The following GALNT13 variants were observed in gnomAD, a reference collection of about 807,000 sequenced individuals.
The protein encoded by GALNT13 is polypeptide N-acetylgalactosaminyltransferase 13, also known as UDP-GalNAc:polypeptide N-acetylgalactosaminyltransferase 13.
In GALNT13, 28 loss-of-function variants were observed where a neutral mutation model predicts 64.2. The observed-to-expected ratio is 0.44, with a 90% confidence interval of 0.32 to 0.60. GALNT13 has a LOEUF of 0.60. GALNT13 is among the 20% of genes least tolerant of loss of function. GALNT13 has a pLI of 0.05. For synonymous variants in GALNT13, 214 were observed against 224.6 expected, an observed-to-expected ratio of 0.95 and a Z score of 0.42; for missense variants, 577 against 669.8, an observed-to-expected ratio of 0.86 and a Z score of 1.53.
the GALNT13 span, among the ~76,000 whole-genome samples, chr2:153,155,814 T>G: frequency 1.3e-5 from 2 of 152,092 alleles, no homozygotes; most frequent in South Asian, 4.1e-4. Flanking sequence ...TGAAACATCA[T>G]AATTAAAAGA....
At chr2:153,620,830 C>T in the GALNT13 span, among the ~76,000 whole-genome samples, 1 of 151,946 alleles carries the variant, frequency 6.6e-6, no homozygotes, top group African/African-American at 2.4e-5. Flanking sequence ...AGATGTTCTT[C>T]ACTGTCTGGG....
intron 1 of GALNT13, among the ~76,000 whole-genome samples, chr2:153,890,077 G>GT (rs1332856381): frequency 6.6e-6 from 1 of 151,744 alleles, no homozygotes; most frequent in East Asian, 1.9e-4. Flanking sequence ...TCAGGAAAGA[G>GT]TAACACCTGC....
chr2:154,445,417 G>A (rs1046698365), intron 12 of GALNT13, among the ~76,000 whole-genome samples: 2 of 151,428 alleles, frequency 1.3e-5, no homozygotes, highest in East Asian at 3.9e-4. Flanking sequence ...TGTTAAAGTG[G>A]CATTTTCCAA....
intron 3 of GALNT13, among the ~76,000 whole-genome samples, chr2:154,062,171 G>T (rs1037656146): frequency 6.6e-6 from 1 of 152,110 alleles, no homozygotes; most frequent in Non-Finnish European, 1.5e-5. Flanking sequence ...AGTTTTGCCA[G>T]ACATGTGCCA....
chr2:153,930,120 T>A (rs979124393), intron 2 of GALNT13, among the ~76,000 whole-genome samples: 1 of 152,200 alleles, frequency 6.6e-6, no homozygotes, highest in South Asian at 2.1e-4. Context: ...TTTCCTTATG[T>A]TTGTTGGTCA....
At chr2:153,475,165 G>T in the GALNT13 span, among the ~76,000 whole-genome samples, 1 of 152,254 alleles carries the variant, frequency 6.6e-6, no homozygotes, top group South Asian at 2.1e-4. Context: ...AAAGCTTCTT[G>T]CACACATTGC....
the GALNT13 span, among the ~76,000 whole-genome samples, chr2:153,086,713 A>ATTTTAT: frequency 5.3e-5 from 8 of 149,638 alleles, no homozygotes; most frequent in African/African-American, 2.0e-4. Context: ...ATTTTATTTT[A>ATTTTAT]TTTATTTTAT....
chr2:154,397,041 G>T (rs866286317), intron 10 of GALNT13, among the ~76,000 whole-genome samples: 19 of 151,342 alleles, frequency 1.3e-4, no homozygotes, highest in Middle Eastern at 3.4e-3. Context: ...GTCAAAACAA[G>T]AATTATATTT....
intron 9 of GALNT13, among the ~76,000 whole-genome samples, chr2:154,377,527 C>T (rs936957078): frequency 4.6e-5 from 7 of 152,090 alleles, no homozygotes; most frequent in African/African-American, 1.4e-4. Context: ...AAGGAAGAAC[C>T]GCTCATAGGC....
At chr2:153,371,955 G>A in the GALNT13 span, among the ~76,000 whole-genome samples, 2 of 152,152 alleles carry the variant, frequency 1.3e-5, no homozygotes, top group Non-Finnish European at 2.9e-5. Context: ...GTGCCTCTGC[G>A]TTTTGTTGGA....
intron 2 of GALNT13, among the ~76,000 whole-genome samples, chr2:153,904,185 T>C (rs1159565603): frequency 2.0e-5 from 3 of 151,966 alleles, no homozygotes; most frequent in East Asian, 1.9e-4. Context: ...TAGTATTCCA[T>C]TGTATAGAAA....
chr2:153,904,584 A>G (rs144191918), intron 2 of GALNT13, among the ~76,000 whole-genome samples: 218 of 152,064 alleles, frequency 1.4e-3, no homozygotes, highest in African/African-American at 4.8e-3. Context: ...CTTAATAGCC[A>G]TGAACATATT....
intron 3 of GALNT13, among the ~76,000 whole-genome samples, chr2:154,047,500 A>G (rs1236626931): frequency 1.3e-5 from 2 of 152,190 alleles, no homozygotes; most frequent in African/African-American, 4.8e-5. Context: ...CTGGGTAACA[A>G]TGAGTGAGAT....
At chr2:153,203,685 A>G in the GALNT13 span, among the ~76,000 whole-genome samples, 22 of 152,304 alleles carry the variant, frequency 1.4e-4, no homozygotes, top group African/African-American at 5.3e-4. Flanking sequence ...TAATTTCCAT[A>G]GTAGCTTGTT....
intron 9 of GALNT13, among the ~76,000 whole-genome samples, chr2:154,393,418 G>C (rs1266071115): frequency 2.6e-5 from 4 of 152,202 alleles, no homozygotes. Flanking sequence ...GCCAGGACCA[G>C]TTAGATGTCC....
chr2:153,966,630 A>G lies in GALNT13; in HGVS notation c.142+21991A>G, dbSNP rs193129114. 2.3e-3 allele frequency among the ~76,000 whole-genome samples: 355 copies of G among 151,812 alleles called. 3 individuals carry two copies. The highest frequency in any genetic ancestry group is 8.1e-3 in the African/African-American group (334 of 41,412). ...TGATCCGCCCGCCTCGGCCTTCCAAAGCGCTGGGATTACAGGCGTGAGCCA... is the reference window on the plus strand; with the variant it reads ...TGATCCGCCCGCCTCGGCCTTCCAAGGCGCTGGGATTACAGGCGTGAGCCA... On this transcript the variant is annotated intron_variant, in intron 3 of 12. Coordinates refer to ENST00000392825, the MANE Select transcript of GALNT13 (RefSeq NM_052917.4).
At chr2:154,364,361 C>G (rs1697242951) in intron 9 of GALNT13, among the ~76,000 whole-genome samples, 1 of 152,112 alleles carries the variant, frequency 6.6e-6, no homozygotes, top group African/African-American at 2.4e-5. Context: ...TATCACTTAT[C>G]CTGTAGGAAA....
At chr2:153,451,380 T>G in the GALNT13 span, among the ~76,000 whole-genome samples, 1 of 152,202 alleles carries the variant, frequency 6.6e-6, no homozygotes, top group African/African-American at 2.4e-5. Flanking sequence ...AATTTGTAAA[T>G]GTACATAATT....
intron 3 of GALNT13, among the ~76,000 whole-genome samples, chr2:154,003,908 A>T (rs1259240836): frequency 6.6e-6 from 1 of 152,122 alleles, no homozygotes; most frequent in Non-Finnish European, 1.5e-5. Context: ...CCTCCCCAGA[A>T]GCAGAAACCA....
Sources: gnomAD v4.1 joint callset for allele counts (sites outside exome capture counted in the v4.1 genomes callset) on GRCh38, gnomAD v4.1.1 for gene constraint, MANE v1.5 for transcripts, NCBI Gene and HGNC (gene_info 2026-07-23, HGNC 2026-07-21) for gene names.